Variants in COL27A1 observed in about 807,000 individuals in gnomAD.
The protein encoded by COL27A1 is collagen alpha-1(XXVII) chain.
A neutral mutation model predicts 251.3 loss-of-function variants in COL27A1; 106 were observed. That is an observed-to-expected ratio of 0.42 (90% CI 0.36 to 0.50). The LOEUF (loss-of-function observed/expected upper bound fraction) is 0.50. COL27A1 is among the 20% of genes least tolerant of loss of function. The pLI is 0.00. For synonymous variants in COL27A1, 1,000 were observed against 986.3 expected (o/e 1.01, Z -0.26); for missense variants, 2,325 against 2,522.8 (o/e 0.92, Z 1.68).
intron 20 of COL27A1, 67 bp downstream of exon 20, chr9:114,240,340 G>T: frequency 6.3e-7 from 1 of 1,581,192 alleles, no homozygotes; most frequent in Non-Finnish European, 8.6e-7. Flanking sequence ...ACAGGGGCTG[G>T]CTGCCTGGCT....
At chr9:114,197,098 A>G (rs1829193459) in intron 7 of COL27A1, among the ~76,000 whole-genome samples, 1 of 152,154 alleles carries the variant, frequency 6.6e-6, no homozygotes, top group Admixed American at 6.5e-5. Flanking sequence ...CAGACTAAGG[A>G]TCGATTGCTT....
chr9:114,284,586 G>T, intron 40 of COL27A1, 138 bp from the exon 41 acceptor site: 1 of 828,200 alleles, frequency 1.2e-6, no homozygotes. Flanking sequence ...GACAGGCACA[G>T]ACTTACTCAG....
chr9:114,249,315 C>T (rs999599), intron 24 of COL27A1, among the ~76,000 whole-genome samples: 49,398 of 152,112 alleles, frequency 0.32, 8,270 homozygotes, highest in Middle Eastern at 0.37. Flanking sequence ...TTAGCTGTGA[C>T]CTTATACCTA....
chr9:114,299,990 A>C (rs1259226097), intron 49 of COL27A1, 80 bp from the exon 50 acceptor site: 1 of 1,359,212 alleles, frequency 7.4e-7, no homozygotes, highest in African/African-American at 1.4e-5. Flanking sequence ...GGGAAAAGGC[A>C]GGCCCTGAGG....
intron 4 of COL27A1, among the ~76,000 whole-genome samples, chr9:114,180,992 G>T (rs1293985202): frequency 1.3e-5 from 2 of 152,266 alleles, no homozygotes; most frequent in East Asian, 3.9e-4. Flanking sequence ...GTGGAACTGG[G>T]TGTCAGGAAC....
At chr9:114,213,468 A>G (rs1268431767) in intron 12 of COL27A1, among the ~76,000 whole-genome samples, 2 of 152,172 alleles carry the variant, frequency 1.3e-5, no homozygotes, top group East Asian at 3.9e-4. Context: ...CCACTCATTC[A>G]TTCCTCATTC....
rs1327419316 is a variant in COL27A1 at position 114,237,713 on chromosome 9, G to A, written c.2725G>A (p.Glu909Lys). Residue 909 changes from glutamate (E) to lysine (K), a missense_variant and splice_region_variant, in exon 19 of 61, where the codon GAG (glutamate) becomes AAG (lysine). Around this residue, in one of 4 missense-constraint regions of COL27A1, gnomAD observed 662 missense variants for 795.3 expected, o/e 0.83. Coordinates refer to ENST00000356083, the MANE Select transcript of COL27A1 (RefSeq NM_032888.4). The stretch of plus-strand genomic sequence containing the variant: ...TGGGTTTCCCGGGCCCCCTGGACCC[G>A]AGGTATGTGATGCCCCATTTCTCCG... Reference protein sequence around the residue: ...SIGFPGPPGPEGFPGDIGPPG... With the variant: ...SIGFPGPPGPKGFPGDIGPPG... 1.1e-5 allele frequency: 17 copies of A among 1,613,532 alleles called. No homozygotes were observed. Among genetic ancestry groups the A allele is most frequent in the Non-Finnish European group, 1.4e-5 (16 of 1,179,462 alleles).
At position 114,301,930 on chromosome 9, in the gene COL27A1, C is replaced by A. The variant is rs1039403494; in HGVS notation, c.4846-152C>A. 4.1e-5 allele frequency: 39 copies of A among 942,848 alleles called. 1 individual carries two copies. In the Admixed American group the frequency reaches 7.4e-4, roughly 18 times the overall value. 58.4% of individuals were successfully genotyped at this position (942,848 alleles called of 1,614,324 possible). On this transcript the variant is annotated intron_variant, in intron 55 of 60. Coordinates refer to ENST00000356083, the MANE Select transcript of COL27A1 (RefSeq NM_032888.4). ...GGCCAGGCCTCCAGAAAAGCATAGA[C>A]CAGCCCACTGGGGCCCACCAAGCCT...
At chr9:114,281,598 C>T (rs559888105) in intron 37 of COL27A1, among the ~76,000 whole-genome samples, 12 of 152,180 alleles carry the variant, frequency 7.9e-5, no homozygotes, top group African/African-American at 2.9e-4. Flanking sequence ...AGGAGGGGCC[C>T]GTTCAAGGGA....
chr9:114,265,716 C>T (rs1208321960), intron 32 of COL27A1, among the ~76,000 whole-genome samples: 2 of 152,218 alleles, frequency 1.3e-5, no homozygotes, highest in Non-Finnish European at 2.9e-5. Flanking sequence ...TCTGCCTTGC[C>T]ATTCTGTTGT....
At chr9:114,176,543 G>T (rs535280494) in intron 3 of COL27A1, among the ~76,000 whole-genome samples, 10 of 151,798 alleles carry the variant, frequency 6.6e-5, no homozygotes, top group Non-Finnish European at 7.4e-5. Context: ...AGGTGGGTGG[G>T]GGGGGGTGCC....
chr9:114,183,259 T>C (rs542890004), intron 5 of COL27A1, among the ~76,000 whole-genome samples, 184 bp downstream of exon 5: 1 of 152,312 alleles, frequency 6.6e-6, no homozygotes, highest in Admixed American at 6.5e-5. Flanking sequence ...GGAGACACAG[T>C]GCTTCCGTCT....
chr9:114,255,339 C>G (rs563568544), intron 27 of COL27A1, among the ~76,000 whole-genome samples: 34 of 150,488 alleles, frequency 2.3e-4, no homozygotes, highest in Non-Finnish European at 4.6e-4. Context: ...GAGCCCTCAG[C>G]ATGGGGGGTG....
rs540955862 is a variant in COL27A1 at position 114,162,635 on chromosome 9, C to G, written c.63-80C>G. On this transcript the variant is annotated intron_variant, in intron 1 of 60. Coordinates refer to ENST00000356083, the MANE Select transcript of COL27A1 (RefSeq NM_032888.4). Reference sequence around the variant, plus strand: ...CTGGGGTGAGACTGGGACTGGTTTCCACTCCCAGCTTCCCCAGCCGGATCC... The same window carrying G: ...CTGGGGTGAGACTGGGACTGGTTTCGACTCCCAGCTTCCCCAGCCGGATCC... The G allele has an allele frequency of 4.7e-6, 5 of 1,066,550 alleles. No individual in the cohort carries two copies. The East Asian group carries it at 1.2e-4, about 25-fold the overall frequency. The allele number at this position is 1,066,550 out of a possible 1,614,324, so 66.1% of individuals were successfully genotyped here.
At chr9:114,303,245 T>TA (rs1030505276) in intron 56 of COL27A1, among the ~76,000 whole-genome samples, 1 of 149,406 alleles carries the variant, frequency 6.7e-6, no homozygotes, top group African/African-American at 2.4e-5. Context: ...TTCTTTTCTT[T>TA]TTTTTTTTTT....
intron 36 of COL27A1, chr9:114,271,922 C>A (rs1172638517): frequency 1.3e-5 from 2 of 152,258 alleles, no homozygotes; most frequent in African/African-American, 4.8e-5. Flanking sequence ...GCTGACTCCT[C>A]ACATTTTCTT....
Position 114,195,988 on chromosome 9 carries a change from G to A in COL27A1, c.2100G>A (p.Gly700=). Residue 700 remains glycine, a synonymous_variant, in exon 7 of 61, where the codon GGG becomes GGA. Transcript: ENST00000356083. The part of the protein sequence containing the change: ...KGDMGLPGLS[G]NPGPPGRKGH... The stretch of plus-strand genomic sequence containing the variant: ...ACATGGGCTTGCCTGGGCTCTCCGG[G>A]AATCCAGGACCTCCGGGACGAAAGG... 1.9e-6 allele frequency: 3 copies of A among 1,614,164 alleles called. No homozygotes were observed. The highest frequency in any genetic ancestry group is 2.5e-6 in the Non-Finnish European group (3 of 1,179,994).
chr9:114,283,140 G>A (rs1564568170), intron 39 of COL27A1, among the ~76,000 whole-genome samples: 1 of 152,204 alleles, frequency 6.6e-6, no homozygotes, highest in Non-Finnish European at 1.5e-5. Flanking sequence ...CAACCAGGCT[G>A]GTTTGTGGTA....
At chr9:114,229,361 C>T (rs1255357122) in intron 14 of COL27A1, among the ~76,000 whole-genome samples, 1 of 152,220 alleles carries the variant, frequency 6.6e-6, no homozygotes, top group African/African-American at 2.4e-5. Context: ...GTCTCTCTCT[C>T]TCCTCGGGGG....
Sources: gnomAD v4.1 joint callset for allele counts (sites outside exome capture counted in the v4.1 genomes callset) on GRCh38, gnomAD v4.1.1 for gene constraint, gnomAD v4.1.1 regional missense constraint, MANE v1.5 for transcripts, NCBI Gene and HGNC (gene_info 2026-07-23, HGNC 2026-07-21) for gene names.